Variants in TIAM2 observed in about 807,000 individuals in gnomAD.
TIAM2 encodes TIAM Rac1 associated GEF 2.
TIAM2 carries 80 observed loss-of-function variants against 152.9 expected under a neutral mutation model. The observed-to-expected ratio is 0.52, with a 90% CI of 0.44 to 0.63. TIAM2 has a LOEUF of 0.63. Ranked by LOEUF, TIAM2 falls within the 30% of genes least tolerant of loss-of-function variation. The probability of loss-of-function intolerance (pLI) is 0.00; values close to 1 mark genes in which losing one functional copy is unlikely to be tolerated. For missense variants in TIAM2, 1,965 were observed against 2,120.1 expected (o/e 0.93, Z 1.44); for synonymous variants, 804 against 838.0 (o/e 0.96, Z 0.70).
At chr6:155,128,971 T>C (rs1250699034) in intron 3 of TIAM2, among the ~76,000 whole-genome samples, 1 of 152,194 alleles carries the variant, frequency 6.6e-6, no homozygotes, top group Non-Finnish European at 1.5e-5. Flanking sequence ...TAAATTAATA[T>C]TGTATAATGA....
At chr6:155,066,167 C>CCGTGG (rs1777690242) in intron 1 of TIAM2, among the ~76,000 whole-genome samples, 2 of 40,078 alleles carry the variant, frequency 5.0e-5, no homozygotes, top group African/African-American at 7.1e-5. Context: ...TTCCTGTTCC[C>CCGTGG]AAAGGGCCTT....
intron 2 of TIAM2, among the ~76,000 whole-genome samples, chr6:155,094,709 C>T (rs1485673173): frequency 6.6e-6 from 1 of 150,490 alleles, no homozygotes; most frequent in African/African-American, 2.4e-5. Context: ...CCCACCATAC[C>T]TGGCTATATC....
chr6:155,139,370 G>A (rs1186144941), intron 5 of TIAM2, among the ~76,000 whole-genome samples: 1 of 152,150 alleles, frequency 6.6e-6, no homozygotes, highest in African/African-American at 2.4e-5. Flanking sequence ...CAAAGCCCAG[G>A]GGCCCAGCAT....
At chr6:155,030,907 A>G (rs1274811354) in intron 1 of TIAM2, among the ~76,000 whole-genome samples, 2 of 152,118 alleles carry the variant, frequency 1.3e-5, no homozygotes, top group Non-Finnish European at 1.5e-5. Flanking sequence ...AGACTTGGGG[A>G]AATAAAAGGT....
At chr6:155,103,723 C>CAAAAA (rs759945340) in intron 2 of TIAM2, among the ~76,000 whole-genome samples, 7 of 59,832 alleles carry the variant, frequency 1.2e-4, no homozygotes, top group Admixed American at 2.4e-4. Flanking sequence ...GACTCTGTCT[C>CAAAAA]AAAAAAAAAA....
intron 6 of TIAM2, 31 bp downstream of exon 6, chr6:155,144,809 T>C (rs1779786405): frequency 1.1e-5 from 17 of 1,583,984 alleles, no homozygotes; most frequent in East Asian, 2.3e-5. Context: ...GTGGAGGTAA[T>C]AGCTTATGTA....
rs535196100 is a variant in TIAM2 at position 155,051,229 on chromosome 6, G to C, written c.-208-39060G>C. On this transcript the variant is annotated intron_variant, in intron 1 of 26. Transcript: ENST00000682666. ...TCCAGTGGAGAATAAGAAGAATGGAGATGGTGGGTCTCAGAGGCCAAGTCC... is the reference window on the plus strand; with the variant it reads ...TCCAGTGGAGAATAAGAAGAATGGACATGGTGGGTCTCAGAGGCCAAGTCC... Among the ~76,000 whole-genome samples the C allele has an allele frequency of 1.3e-3, 199 of 152,262 alleles. No individual in the cohort carries two copies. In the South Asian group the frequency reaches 0.014, roughly 11 times the overall value.
chr6:155,216,256 G>C (rs1458292877), intron 15 of TIAM2, among the ~76,000 whole-genome samples: 1 of 152,120 alleles, frequency 6.6e-6, no homozygotes, highest in Non-Finnish European at 1.5e-5. Flanking sequence ...ATCTGCCTCT[G>C]TTTTCTGGGC....
intron 5 of TIAM2, among the ~76,000 whole-genome samples, chr6:155,140,569 T>TGAGAGAGA (rs1243980626): frequency 2.6e-5 from 3 of 113,368 alleles, no homozygotes; most frequent in Non-Finnish European, 5.2e-5. Context: ...TGTGTGTGTG[T>TGAGAGAGA]GTGTGAGAGA....
rs142060497 is a variant in TIAM2 at position 155,211,223 on chromosome 6, T to C, written c.3084T>C (p.Asp1028=). ...NTANDFSNVP[D]ITTGLKRSQT... is the part of the protein sequence containing the mutation. Reference sequence around the variant, plus strand: ...ATGCAGATTTCAGCAACGTCCCTGATATCACAACAGGTCTGAAAAGGAGTC... The same window carrying C: ...ATGCAGATTTCAGCAACGTCCCTGACATCACAACAGGTCTGAAAAGGAGTC... Residue 1028 remains aspartate (D), a synonymous_variant, in exon 15 of 27, where the codon GAT becomes GAC. Coordinates refer to ENST00000682666, the MANE Select transcript of TIAM2 (RefSeq NM_012454.4). The C allele has an allele frequency of 3.7e-6, 6 of 1,613,376 alleles. No homozygotes were observed. The highest frequency in any genetic ancestry group is 5.1e-6 in the Non-Finnish European group (6 of 1,179,502).
intron 1 of TIAM2, among the ~76,000 whole-genome samples, chr6:155,009,719 A>C (rs1056687996): frequency 6.6e-6 from 1 of 152,212 alleles, no homozygotes; most frequent in African/African-American, 2.4e-5. Flanking sequence ...TGGAAATTAT[A>C]TTAATTACGC....
At chr6:155,073,239 T>C (rs963338219) in intron 1 of TIAM2, among the ~76,000 whole-genome samples, 4 of 145,800 alleles carry the variant, frequency 2.7e-5, no homozygotes, top group Non-Finnish European at 6.0e-5. Flanking sequence ...CTCGGCTCAC[T>C]GCAACCTCCA....
chr6:155,247,977 G>A (rs925777011), intron 19 of TIAM2, 23 bp from the exon 20 acceptor site: 7 of 1,610,076 alleles, frequency 4.3e-6, no homozygotes, highest in Admixed American at 1.7e-5. Flanking sequence ...CTCTTCTGAG[G>A]TCTTTTATCC....
chr6:155,162,892 A>C (rs1211145944), intron 7 of TIAM2, among the ~76,000 whole-genome samples: 1 of 152,224 alleles, frequency 6.6e-6, no homozygotes, highest in Non-Finnish European at 1.5e-5. Flanking sequence ...TTTTGCTGAC[A>C]AATGATGATG....
intron 2 of TIAM2, among the ~76,000 whole-genome samples, chr6:155,111,791 T>G (rs2115007996): frequency 6.6e-6 from 1 of 152,260 alleles, no homozygotes. Context: ...ACATAGACAA[T>G]AAATGAAGCT....
intron 1 of TIAM2, among the ~76,000 whole-genome samples, chr6:155,084,220 A>G (rs539785477): frequency 2.6e-4 from 39 of 152,232 alleles, no homozygotes; most frequent in African/African-American, 8.9e-4. Flanking sequence ...GTGGGGTAGG[A>G]GCCACTTCAC....
chr6:155,245,517 A>G (rs1783266304), intron 18 of TIAM2, 106 bp from the exon 19 acceptor site: 4 of 930,860 alleles, frequency 4.3e-6, no homozygotes, highest in Non-Finnish European at 6.9e-6. Context: ...TCTCCAAGGC[A>G]TTAGTGCTAT....
At chr6:155,211,371 C>T in intron 15 of TIAM2, 64 bp downstream of exon 15, 1 of 1,365,178 alleles carries the variant, frequency 7.3e-7, no homozygotes, top group Admixed American at 1.8e-5. Context: ...CCCACCTTTA[C>T]CTAAGGTGGG....
At chr6:155,119,227 G>T (rs1779093404) in intron 2 of TIAM2, among the ~76,000 whole-genome samples, 1 of 151,780 alleles carries the variant, frequency 6.6e-6, no homozygotes, top group Non-Finnish European at 1.5e-5. Context: ...TAGAGACAGG[G>T]TTTCACTGTG....
Sources: gnomAD v4.1 joint callset for allele counts (sites outside exome capture counted in the v4.1 genomes callset) on GRCh38, gnomAD v4.1.1 for gene constraint, MANE v1.5 for transcripts, NCBI Gene and HGNC (gene_info 2026-07-23, HGNC 2026-07-21) for gene names.